PDCD11: variants seen among roughly 807,000 people sequenced by gnomAD.
PDCD11 encodes protein RRP5 homolog.
In PDCD11, 97 loss-of-function variants were observed where a neutral mutation model predicts 198.9. The ratio of observed to expected loss-of-function variants is 0.49; its 90% CI spans 0.41 to 0.58. The LOEUF (loss-of-function observed/expected upper bound fraction) is 0.58, where lower values mean the gene tolerates loss of function less well. Ranked by LOEUF, PDCD11 falls within the 20% of genes least tolerant of loss-of-function variation. The pLI is 0.00. For missense variants in PDCD11, 2,102 were observed against 2,312.7 expected (o/e 0.91, Z 1.87); for synonymous variants, 893 against 918.0 (o/e 0.97, Z 0.49).
At position 103,434,300 on chromosome 10, in the gene PDCD11, C is replaced by T. The variant is rs1408053060; in HGVS notation, c.3617C>T (p.Thr1206Ile). 3 of 1,613,668 alleles carry T rather than the reference C, an allele frequency of 1.9e-6. No homozygotes were observed. Among genetic ancestry groups the T allele is most frequent in the South Asian group, 2.2e-5 (2 of 91,068 alleles). Residue 1206 changes from threonine to isoleucine, a missense_variant, in exon 24 of 36, where the codon ACC becomes ATC. Coordinates refer to ENST00000369797, the MANE Select transcript of PDCD11 (RefSeq NM_014976.2). Reference protein sequence around the residue: ...KFRVGQALRATVVGPDSSKTL... With the variant: ...KFRVGQALRAIVVGPDSSKTL... ...CGGGTTGGCCAGGCCCTGAGGGCCA[C>T]CGTTGTTGGCCCAGATTCCTCCAAG...
At chr10:103,397,693 C>T (rs887007563) in intron 1 of PDCD11, among the ~76,000 whole-genome samples, 1 of 152,334 alleles carries the variant, frequency 6.6e-6, no homozygotes, top group East Asian at 1.9e-4. Context: ...CTCGGGCTCC[C>T]GAAGTGCTGG....
chr10:103,433,927 T>C lies in PDCD11; in HGVS notation c.3475-21T>C. ...CCTTGTATTTGTATTTGCCCTACTC[T>C]GGTTCCTTTTTTTCCCTCAGTACAA... On this transcript the variant is annotated intron_variant, in intron 22 of 35. Transcript: ENST00000369797. 3 of 1,582,798 alleles carry C rather than the reference T, an allele frequency of 1.9e-6. No individual in the cohort carries two copies. The South Asian group carries it at 3.3e-5, about 18-fold the overall frequency.
intron 2 of PDCD11, 150 bp downstream of exon 2, chr10:103,398,678 A>G (rs765204723): frequency 1.6e-6 from 1 of 634,320 alleles, no homozygotes; most frequent in Non-Finnish European, 2.8e-6. Context: ...TAGAGAGGCC[A>G]TACCACCACA....
intron 7 of PDCD11, among the ~76,000 whole-genome samples, chr10:103,409,124 T>G (rs1320638116): frequency 1.3e-5 from 2 of 152,214 alleles, no homozygotes; most frequent in Admixed American, 1.3e-4. Context: ...TGTTTTTTGA[T>G]TCTGGTAACA....
chr10:103,442,049 C>T, intron 31 of PDCD11, 74 bp downstream of exon 31: 1 of 1,584,126 alleles, frequency 6.3e-7, no homozygotes, highest in Non-Finnish European at 8.6e-7. Context: ...TGTTCCTAGA[C>T]TGGGTGTCTT....
At chr10:103,408,867 A>G (rs891356807) in intron 7 of PDCD11, among the ~76,000 whole-genome samples, 11 of 152,164 alleles carry the variant, frequency 7.2e-5, no homozygotes, top group Admixed American at 2.0e-4. Flanking sequence ...CTTTCCTGTC[A>G]GGAACAGGAC....
Position 103,418,526 on chromosome 10 carries a change from A to G in PDCD11, c.1998A>G (p.Thr666=). The change falls in exon 15 of 36, where the codon ACA becomes ACG. Residue 666 remains threonine (T), a synonymous_variant. Coordinates refer to ENST00000369797, the MANE Select transcript of PDCD11 (RefSeq NM_014976.2). ...LPHNIRAFLP[T]SHLSDHVANG... is the part of the protein sequence containing the mutation. ...ACAACATCCGTGCTTTCCTCCCCACATCTCATCTGTCGGACCACGTTGCCA... is the reference window on the plus strand; with the variant it reads ...ACAACATCCGTGCTTTCCTCCCCACGTCTCATCTGTCGGACCACGTTGCCA... The G allele has an allele frequency of 1.2e-6, 2 of 1,614,162 alleles. No individual in the cohort carries two copies. Among genetic ancestry groups the G allele is most frequent in the African/African-American group, 1.3e-5 (1 of 75,026 alleles).
At chr10:103,422,681 A>G (rs1411422998) in intron 17 of PDCD11, among the ~76,000 whole-genome samples, 1 of 152,032 alleles carries the variant, frequency 6.6e-6, no homozygotes, top group African/African-American at 2.4e-5. Flanking sequence ...CTTTAATGGA[A>G]TTTCATAGCA....
In PDCD11 at chr10:103,415,111, C is replaced by T. The variant is rs560575686; in HGVS notation, c.1478C>T (p.Pro493Leu). 21 of 1,614,044 alleles carry T rather than the reference C, an allele frequency of 1.3e-5. No individual in the cohort carries two copies. The highest frequency in any genetic ancestry group is 2.7e-5 in the African/African-American group (2 of 74,984). ...CTGGCTGACATCCTGATGAAGAATC[C>T]GGAGAAGAAGTACCACATCGGGGAT... is the stretch of plus-strand genomic sequence containing the variant. ...MHLADILMKN[P>L]EKKYHIGDEV... Residue 493 changes from proline to leucine, a missense_variant, in exon 12 of 36, where the codon CCG (proline) becomes CTG (leucine). By Grantham distance (98) the Pro-to-Leu change is moderately conservative. Transcript: ENST00000369797.
At chr10:103,401,459 C>T (rs1056984921) in intron 3 of PDCD11, among the ~76,000 whole-genome samples, 2 of 151,758 alleles carry the variant, frequency 1.3e-5, no homozygotes, top group Non-Finnish European at 2.9e-5. Flanking sequence ...TTAATAGAGA[C>T]GGGGTTTCAC....
At chr10:103,434,133 G>A in intron 23 of PDCD11, 96 bp downstream of exon 23, 1 of 1,255,132 alleles carries the variant, frequency 8.0e-7, no homozygotes, top group Non-Finnish European at 1.2e-6. Context: ...GAGGAAGCTT[G>A]TTCTTTATTT....
At chr10:103,418,005 T>A in intron 14 of PDCD11, 73 bp downstream of exon 14, 1 of 1,529,220 alleles carries the variant, frequency 6.5e-7, no homozygotes, top group Non-Finnish European at 9.0e-7. Context: ...ACACATGGCA[T>A]ATTGGAACCC....
At chr10:103,406,544 G>A (rs569486477) in intron 6 of PDCD11, 65 bp from the exon 7 acceptor site, 1,097 of 1,451,006 alleles carry the variant, frequency 7.6e-4, no homozygotes, top group Middle Eastern at 1.6e-3. Flanking sequence ...TATTACTTGG[G>A]CCCACGTTAA....
chr10:103,401,014 C>A (rs568497673), intron 3 of PDCD11, among the ~76,000 whole-genome samples: 2 of 152,098 alleles, frequency 1.3e-5, no homozygotes, highest in Non-Finnish European at 2.9e-5. Context: ...CTCAACCTCC[C>A]GAAGTGTTGG....
chr10:103,444,793 C>A, intron 35 of PDCD11, 111 bp downstream of exon 35: 1 of 1,026,970 alleles, frequency 9.7e-7, no homozygotes, highest in Non-Finnish European at 1.5e-6. Flanking sequence ...AGAAAACCAG[C>A]TAGATGTGAT....
intron 9 of PDCD11, 35 bp from the exon 10 acceptor site, chr10:103,413,931 C>A (rs1478883553): frequency 6.3e-7 from 1 of 1,575,870 alleles, no homozygotes; most frequent in Admixed American, 1.8e-5. Context: ...GACCTGTTGT[C>A]CCTGGCTTAT....
chr10:103,439,598 C>G lies in PDCD11; in HGVS notation c.4026-148C>G. 3.6e-6 allele frequency: 3 copies of G among 825,602 alleles called. No homozygotes were observed. The South Asian group carries it at 4.8e-5, about 13-fold the overall frequency. 51.1% of individuals were successfully genotyped at this position (825,602 alleles called of 1,614,324 possible). Reference sequence around the variant, plus strand: ...TGATGATGATTTCAAGTTTACAAAGCCCACTTCATCCTGCTGAATGCCAGG... The same window carrying G: ...TGATGATGATTTCAAGTTTACAAAGGCCACTTCATCCTGCTGAATGCCAGG... On this transcript the variant is annotated intron_variant, in intron 27 of 35. Transcript: ENST00000369797.
chr10:103,438,297 G>T (rs1041305684), intron 26 of PDCD11, among the ~76,000 whole-genome samples: 1 of 152,204 alleles, frequency 6.6e-6, no homozygotes, highest in Non-Finnish European at 1.5e-5. Flanking sequence ...TCCAGATGTG[G>T]GTGTCCAAGG....
intron 16 of PDCD11, among the ~76,000 whole-genome samples, chr10:103,420,865 GTTTGTT>G (rs1168910603): frequency 6.6e-6 from 1 of 150,930 alleles, no homozygotes; most frequent in African/African-American, 2.4e-5. Flanking sequence ...TGTTGTTGTT[GTTTGTT>G]TTTGTTTTTG....
Sources: gnomAD v4.1 joint callset for allele counts (sites outside exome capture counted in the v4.1 genomes callset) on GRCh38, gnomAD v4.1.1 for gene constraint, MANE v1.5 for transcripts, NCBI Gene and HGNC (gene_info 2026-07-23, HGNC 2026-07-21) for gene names.